LHFPL2: variants seen among roughly 807,000 people sequenced by gnomAD.
LHFPL2 encodes the protein LHFPL tetraspan subfamily member 2, also known as LHFPL tetraspan subfamily member 2 protein.
Under a neutral mutation model 17.5 loss-of-function variants are expected in LHFPL2, and 7 were observed. The ratio of observed to expected loss-of-function variants is 0.40; its 90% CI spans 0.23 to 0.75. The LOEUF is 0.75. Among genes scored for constraint, LHFPL2 ranks in the 30% least tolerant of loss-of-function variants. The pLI is 0.37. For synonymous variants in LHFPL2, 134 were observed against 116.2 expected (o/e 1.15, Z -0.99); for missense variants, 241 against 294.8 (o/e 0.82, Z 1.34).
Position 78,510,326 on chromosome 5 carries a change from T to G in LHFPL2, c.-113A>C. The G allele has an allele frequency of 9.6e-7, 1 of 1,046,970 alleles. No homozygotes were observed. 64.9% of individuals were successfully genotyped at this position (1,046,970 alleles called of 1,614,324 possible). On this transcript the variant is annotated 5_prime_UTR_variant, in exon 4 of 5. It removes an upstream start codon present in the reference 5' UTR. Transcript: ENST00000380345. ...GGGAAGGAAGTCGCAGCTGCAGTCA[T>G]TCACTCCCGCCGCCGGCCGCGTTCA...
chr5:78,534,517 G>T (rs1375509392), intron 3 of LHFPL2, among the ~76,000 whole-genome samples: 3 of 152,206 alleles, frequency 2.0e-5, no homozygotes. Flanking sequence ...GCCCTCCCCA[G>T]CGCTGACTCA....
At chr5:78,489,630 T>G (rs976213515) in intron 4 of LHFPL2, among the ~76,000 whole-genome samples, 4 of 152,066 alleles carry the variant, frequency 2.6e-5, no homozygotes, top group African/African-American at 7.2e-5. Flanking sequence ...ACTCCTAAGC[T>G]CAAGTGATCC....
At chr5:78,490,111 A>G (rs1754389072) in intron 4 of LHFPL2, among the ~76,000 whole-genome samples, 1 of 152,248 alleles carries the variant, frequency 6.6e-6, no homozygotes, top group Non-Finnish European at 1.5e-5. Context: ...CTTTTAAGAG[A>G]GTGGACACTA....
intron 2 of LHFPL2, among the ~76,000 whole-genome samples, chr5:78,587,823 C>T (rs758028680): frequency 8.5e-5 from 13 of 152,244 alleles, no homozygotes; most frequent in Non-Finnish European, 1.8e-4. Flanking sequence ...TCGTCCCTAC[C>T]ACACAGCCAG....
chr5:78,546,053 T>C (rs1455400095), intron 3 of LHFPL2, among the ~76,000 whole-genome samples: 1 of 152,216 alleles, frequency 6.6e-6, no homozygotes, highest in East Asian at 1.9e-4. Flanking sequence ...TACTGAGTTC[T>C]AATTTCTACG....
At chr5:78,616,097 C>T (rs1744591199) in intron 2 of LHFPL2, among the ~76,000 whole-genome samples, 1 of 147,622 alleles carries the variant, frequency 6.8e-6, no homozygotes. Context: ...GCAATCCAAC[C>T]TCTTTTCCCA....
chr5:78,517,709 A>T (rs943869504), intron 3 of LHFPL2, among the ~76,000 whole-genome samples: 1 of 152,174 alleles, frequency 6.6e-6, no homozygotes, highest in African/African-American at 2.4e-5. Context: ...CCATGATTCA[A>T]TTACCTCCCA....
At chr5:78,496,789 C>T (rs1465638544) in intron 4 of LHFPL2, among the ~76,000 whole-genome samples, 2 of 152,332 alleles carry the variant, frequency 1.3e-5, no homozygotes, top group Non-Finnish European at 1.5e-5. Flanking sequence ...AGATGGGAAG[C>T]CTCACTGGCT....
chr5:78,554,379 T>C (rs1756520731), intron 3 of LHFPL2, among the ~76,000 whole-genome samples: 1 of 152,258 alleles, frequency 6.6e-6, no homozygotes, highest in Non-Finnish European at 1.5e-5. Context: ...CTGGCCCAGC[T>C]GGGATAATTC....
In LHFPL2 at chr5:78,541,418, T is replaced by A. The variant is rs377479703; in HGVS notation, c.-186+23395A>T. Among the ~76,000 whole-genome samples, 13 of 152,328 alleles carry A rather than the reference T, an allele frequency of 8.5e-5. No individual in the cohort carries two copies. The East Asian group carries it at 1.3e-3, about 16-fold the overall frequency. On this transcript the variant is annotated intron_variant, in intron 3 of 4. Coordinates refer to ENST00000380345, the MANE Select transcript of LHFPL2 (RefSeq NM_005779.3). ...AATTACCCAAAGCGCAGCCCTGGGATGTGGGAGCCACTGAAGAGATTACAG... is the reference window on the plus strand; with the variant it reads ...AATTACCCAAAGCGCAGCCCTGGGAAGTGGGAGCCACTGAAGAGATTACAG...
intron 1 of LHFPL2, among the ~76,000 whole-genome samples, chr5:78,640,078 G>C (rs1745615293): frequency 6.6e-6 from 1 of 152,128 alleles, no homozygotes; most frequent in East Asian, 1.9e-4. Context: ...AATAGAATCA[G>C]GAGAGGAAAA....
intron 1 of LHFPL2, among the ~76,000 whole-genome samples, chr5:78,635,618 C>T (rs140626211): frequency 0.035 from 5,277 of 152,230 alleles, 309 homozygotes; most frequent in African/African-American, 0.11. Context: ...CTGGCTAACA[C>T]GGTGAAACCC....
intron 2 of LHFPL2, among the ~76,000 whole-genome samples, chr5:78,606,393 T>C (rs187221696): frequency 4.3e-4 from 66 of 152,344 alleles, no homozygotes; most frequent in Admixed American, 3.4e-3. Context: ...ATTTATTAAA[T>C]GGCAATGAAG....
intron 3 of LHFPL2, among the ~76,000 whole-genome samples, chr5:78,552,230 T>C (rs1756464693): frequency 6.6e-6 from 1 of 151,682 alleles, no homozygotes; most frequent in African/African-American, 2.4e-5. Context: ...GCCTCCCAGG[T>C]TCATGCCATT....
chr5:78,570,456 G>A (rs548237580), intron 2 of LHFPL2, among the ~76,000 whole-genome samples: 3 of 152,170 alleles, frequency 2.0e-5, no homozygotes, highest in Admixed American at 2.0e-4. Context: ...CAAAACACCA[G>A]TGTCTGGACC....
At chr5:78,553,551 G>A (rs1232129070) in intron 3 of LHFPL2, among the ~76,000 whole-genome samples, 1 of 152,174 alleles carries the variant, frequency 6.6e-6, no homozygotes, top group Non-Finnish European at 1.5e-5. Flanking sequence ...TACATGACAA[G>A]AATGGAAGAG....
chr5:78,542,014 T>G (rs1174743945), intron 3 of LHFPL2, among the ~76,000 whole-genome samples: 2 of 152,346 alleles, frequency 1.3e-5, no homozygotes, highest in East Asian at 3.9e-4. Flanking sequence ...AAGGGTCCAT[T>G]TCAAAAGGGA....
At chr5:78,553,565 A>C (rs1325042356) in intron 3 of LHFPL2, among the ~76,000 whole-genome samples, 1 of 152,210 alleles carries the variant, frequency 6.6e-6, no homozygotes, top group Non-Finnish European at 1.5e-5. Flanking sequence ...GGAAGAGCTG[A>C]TAGGGTATTA....
At chr5:78,562,977 G>A (rs1423430099) in intron 3 of LHFPL2, among the ~76,000 whole-genome samples, 1 of 152,222 alleles carries the variant, frequency 6.6e-6, no homozygotes, top group Non-Finnish European at 1.5e-5. Context: ...CACATGAGAA[G>A]TGTAGGGCCT....
Sources: gnomAD v4.1 joint callset for allele counts (sites outside exome capture counted in the v4.1 genomes callset) on GRCh38, gnomAD v4.1.1 for gene constraint, MANE v1.5 for transcripts, NCBI Gene and HGNC (gene_info 2026-07-23, HGNC 2026-07-21) for gene names.